Variants in CFI observed in about 807,000 individuals in gnomAD.
CFI encodes C3B/C4B inactivator.
In CFI, 66 loss-of-function variants were observed where a neutral mutation model predicts 78.8. That is an observed-to-expected ratio of 0.84 (90% CI 0.69 to 1.03). The LOEUF is 1.03. Ranked by LOEUF, CFI falls within the 50% of genes least tolerant of loss-of-function variation. CFI has a pLI of 0.00. For missense variants in CFI, 706 were observed against 704.5 expected (o/e 1.00, Z -0.02); for synonymous variants, 250 against 232.6 (o/e 1.07, Z -0.68).
In CFI at chr4:109,752,516, A is replaced by G. The variant is rs1260968352; in HGVS notation, c.905-13T>C. ...ATTTCTGTTTCTTCTATGATAAAAC[A>G]AAAGATTCCAATGTTTAAAGTTGTT... On this transcript the variant is annotated splice_polypyrimidine_tract_variant and intron_variant, in intron 7 of 12. Coordinates refer to ENST00000394634, the MANE Select transcript of CFI (RefSeq NM_000204.5). 1 of 1,606,750 alleles carries G rather than the reference A, an allele frequency of 6.2e-7. No homozygotes were observed. The highest frequency in any genetic ancestry group is 1.3e-5 in the African/African-American group (1 of 74,858).
At chr4:109,760,220 A>G in intron 6 of CFI, 50 bp downstream of exon 6, 1 of 1,313,730 alleles carries the variant, frequency 7.6e-7, no homozygotes, top group East Asian at 2.3e-5. Flanking sequence ...AAAGTTTCAG[A>G]ATCCCTGGAT....
intron 8 of CFI, among the ~76,000 whole-genome samples, chr4:109,751,438 C>CTTTTTTTTTTT (rs66497003): frequency 2.0e-5 from 2 of 100,356 alleles, no homozygotes; most frequent in Non-Finnish European, 3.6e-5. Flanking sequence ...AGAGCTAAAT[C>CTTTTTTTTTTT]TTTTTTTTTT....
At chr4:109,797,484 A>G (rs916644872) in intron 1 of CFI, among the ~76,000 whole-genome samples, 4 of 152,226 alleles carry the variant, frequency 2.6e-5, no homozygotes, top group African/African-American at 9.6e-5. Context: ...AGAATAAAAC[A>G]TAAGTGATAA....
intron 8 of CFI, 102 bp downstream of exon 8, chr4:109,752,366 C>A: frequency 9.8e-7 from 1 of 1,023,158 alleles, no homozygotes; most frequent in South Asian, 1.5e-5. Flanking sequence ...AAATTGATAC[C>A]AAAACTACTT....
At position 109,766,627 on chromosome 4, in the gene CFI, G is replaced by A; in HGVS notation, c.255C>T (p.Tyr85=). ...GACATTCCAAACTCTTTTGTTGACA[G>A]TATGTTGGGAAGCTTCTCCTGTTAG... ...CATNRRSFPT[Y]CQQKSLECLH... The change falls in exon 2 of 13, where the codon TAC becomes TAT. Residue 85 remains tyrosine, a synonymous_variant. Coordinates refer to ENST00000394634, the MANE Select transcript of CFI (RefSeq NM_000204.5). 1 of 1,614,170 alleles carries A rather than the reference G, an allele frequency of 6.2e-7. No homozygotes were observed.
chr4:109,772,107 A>C (rs1728681602), intron 1 of CFI, among the ~76,000 whole-genome samples: 1 of 152,272 alleles, frequency 6.6e-6, no homozygotes, highest in African/African-American at 2.4e-5. Context: ...TAACACGAAC[A>C]CAGTGGCTGT....
intron 12 of CFI, chr4:109,741,963 G>A (rs1176379321): frequency 6.2e-6 from 1 of 162,248 alleles, no homozygotes; most frequent in Non-Finnish European, 1.4e-5. Flanking sequence ...CGTGGCGTAA[G>A]AAATGCGCTG....
At chr4:109,759,637 T>C (rs1353663900) in intron 6 of CFI, among the ~76,000 whole-genome samples, 1 of 152,176 alleles carries the variant, frequency 6.6e-6, no homozygotes, top group Non-Finnish European at 1.5e-5. Flanking sequence ...GTGTGGTGGC[T>C]TATGCCTGTA....
Position 109,774,708 on chromosome 4 carries a change from A to T in CFI, c.58-7884T>A, listed in dbSNP as rs191379132. Among the ~76,000 whole-genome samples, 9 of 152,312 alleles carry T rather than the reference A, an allele frequency of 5.9e-5. No individual in the cohort carries two copies. The East Asian group carries it at 1.7e-3, about 29-fold the overall frequency. ...TGAGCAGATGCTGCAGAACTAGTAA[A>T]GGAGACTGAGAATATGTGGTCAGTG... On this transcript the variant is annotated intron_variant, in intron 1 of 12. Transcript: ENST00000394634.
intron 1 of CFI, among the ~76,000 whole-genome samples, chr4:109,779,778 A>G (rs141744270): frequency 0.33 from 50,735 of 151,950 alleles, 8,811 homozygotes; most frequent in Admixed American, 0.42. Flanking sequence ...ACTGGTACCA[A>G]AACAGAGACA....
intron 1 of CFI, among the ~76,000 whole-genome samples, 194 bp from the exon 2 acceptor site, chr4:109,767,018 C>T (rs987947925): frequency 1.3e-5 from 2 of 152,094 alleles, no homozygotes; most frequent in Admixed American, 1.3e-4. Flanking sequence ...TTGACAAAAA[C>T]AAGAAATGGG....
At chr4:109,751,588 C>T (rs1012379005) in intron 8 of CFI, among the ~76,000 whole-genome samples, 3 of 151,806 alleles carry the variant, frequency 2.0e-5, no homozygotes, top group Non-Finnish European at 2.9e-5. Context: ...ATTACAGGCA[C>T]CTGCTACCAT....
chr4:109,768,262 C>G (rs988985322), intron 1 of CFI, among the ~76,000 whole-genome samples: 7 of 119,712 alleles, frequency 5.8e-5, no homozygotes, highest in African/African-American at 2.4e-4. Context: ...TGCACATGCA[C>G]CTAAAACTTA....
intron 1 of CFI, among the ~76,000 whole-genome samples, chr4:109,785,777 T>C (rs750568775): frequency 1.3e-5 from 2 of 152,056 alleles, no homozygotes; most frequent in Non-Finnish European, 2.9e-5. Flanking sequence ...GCTGTTCTTG[T>C]AATAGCGAGT....
At chr4:109,746,173 T>C (rs1454791113) in intron 11 of CFI, 49 bp downstream of exon 11, 2 of 1,601,392 alleles carry the variant, frequency 1.2e-6, no homozygotes, top group African/African-American at 2.7e-5. Flanking sequence ...TTCTATTCTC[T>C]TTCATTTCCA....
At chr4:109,801,451 T>G (rs2125882581) in intron 1 of CFI, among the ~76,000 whole-genome samples, 1 of 152,356 alleles carries the variant, frequency 6.6e-6, no homozygotes, top group South Asian at 2.1e-4. Flanking sequence ...TGTATCACTT[T>G]TGACAATTAA....
At chr4:109,780,474 G>C (rs562770096) in intron 1 of CFI, among the ~76,000 whole-genome samples, 1 of 152,004 alleles carries the variant, frequency 6.6e-6, no homozygotes, top group Admixed American at 6.6e-5. Flanking sequence ...TTAGAATGGC[G>C]ATCATTAAAA....
chr4:109,733,027 A>G, the CFI span, among the ~76,000 whole-genome samples: 1 of 151,716 alleles, frequency 6.6e-6, no homozygotes, highest in African/African-American at 2.4e-5. Context: ...GCTGGAGTAC[A>G]GTGGCACAAT....
At chr4:109,743,067 G>A (rs530052355) in intron 11 of CFI, among the ~76,000 whole-genome samples, 5 of 152,296 alleles carry the variant, frequency 3.3e-5, no homozygotes, top group African/African-American at 1.2e-4. Flanking sequence ...GTGTGTCTGA[G>A]AAGAAAAATC....
Sources: gnomAD v4.1 joint callset for allele counts (sites outside exome capture counted in the v4.1 genomes callset) on GRCh38, gnomAD v4.1.1 for gene constraint, MANE v1.5 for transcripts, NCBI Gene and HGNC (gene_info 2026-07-23, HGNC 2026-07-21) for gene names.